SEMA3E: variants seen among roughly 807,000 people sequenced by gnomAD.
SEMA3E encodes the protein semaphorin 3E, also known as semaphorin-3E.
In SEMA3E, 49 loss-of-function variants were observed where a neutral mutation model predicts 93.6. The ratio of observed to expected loss-of-function variants is 0.52; its 90% confidence interval spans 0.42 to 0.66. SEMA3E has a LOEUF of 0.66. Among genes scored for constraint, SEMA3E ranks in the 30% least tolerant of loss-of-function variants. The pLI is 0.00. For synonymous variants in SEMA3E, 363 were observed against 330.7 expected (o/e 1.10, Z -1.06); for missense variants, 906 against 964.8 (o/e 0.94, Z 0.81).
intron 14 of SEMA3E, among the ~76,000 whole-genome samples, chr7:83,391,438 A>C (rs2115576425): frequency 6.6e-6 from 1 of 152,248 alleles, no homozygotes; most frequent in African/African-American, 2.4e-5. Context: ...AATAATTAAT[A>C]TTTTCAAATA....
chr7:83,498,125 T>A (rs923497091), intron 1 of SEMA3E, among the ~76,000 whole-genome samples: 4 of 152,156 alleles, frequency 2.6e-5, no homozygotes, highest in African/African-American at 9.7e-5. Context: ...CTTATTTGAT[T>A]GTAACAATAC....
intron 14 of SEMA3E, among the ~76,000 whole-genome samples, chr7:83,387,891 T>TA: frequency 6.8e-6 from 1 of 146,696 alleles, no homozygotes; most frequent in South Asian, 2.1e-4. Flanking sequence ...TATATATATA[T>TA]AACATTATAT....
chr7:83,610,368 T>C (rs765653041), intron 1 of SEMA3E, among the ~76,000 whole-genome samples: 2 of 152,090 alleles, frequency 1.3e-5, no homozygotes, highest in Non-Finnish European at 2.9e-5. Flanking sequence ...CTACTTAGAA[T>C]ACAGAGTATA....
chr7:83,598,394 C>T (rs1027263402), intron 1 of SEMA3E, among the ~76,000 whole-genome samples: 5 of 152,064 alleles, frequency 3.3e-5, no homozygotes, highest in Admixed American at 2.0e-4. Context: ...TTTATTCTGT[C>T]GGTCAATTTT....
chr7:83,622,972 C>A (rs554145706), intron 1 of SEMA3E, among the ~76,000 whole-genome samples: 1 of 151,854 alleles, frequency 6.6e-6, no homozygotes, highest in East Asian at 1.9e-4. Flanking sequence ...CGCACATGTA[C>A]CTTGGAACTT....
At chr7:83,428,610 ATATT>A (rs1788819157) in intron 4 of SEMA3E, among the ~76,000 whole-genome samples, 1 of 152,152 alleles carries the variant, frequency 6.6e-6, no homozygotes, top group Admixed American at 6.5e-5. Flanking sequence ...AGCAATAAAA[ATATT>A]TATTAAAGGA....
chr7:83,594,951 T>TG (rs1474420452), intron 1 of SEMA3E, among the ~76,000 whole-genome samples: 3 of 134,840 alleles, frequency 2.2e-5, no homozygotes, highest in Non-Finnish European at 4.8e-5. Flanking sequence ...AGAGAACTTC[T>TG]GGGAAAAAAA....
intron 2 of SEMA3E, among the ~76,000 whole-genome samples, chr7:83,473,466 C>T (rs901787064): frequency 6.6e-6 from 1 of 152,188 alleles, no homozygotes; most frequent in Non-Finnish European, 1.5e-5. Context: ...TATGCTCTGT[C>T]AGCCTGGAAA....
chr7:83,535,569 T>C (rs1231745034), intron 1 of SEMA3E, among the ~76,000 whole-genome samples: 1 of 152,146 alleles, frequency 6.6e-6, no homozygotes, highest in African/African-American at 2.4e-5. Context: ...TTAAAGAACC[T>C]ATCAATGACC....
Position 83,456,480 on chromosome 7 carries a change from C to A in SEMA3E, c.456+10002G>T, listed in dbSNP as rs578055474. ...CAAAATCAAAACCTCATCAACAACG[C>A]CTGTAGCAAAAAATAAATAATTTAA... On this transcript the variant is annotated intron_variant, in intron 4 of 16. Coordinates refer to ENST00000643230, the MANE Select transcript of SEMA3E (RefSeq NM_012431.3). Among the ~76,000 whole-genome samples the A allele has an allele frequency of 1.5e-4, 23 of 152,080 alleles. 1 individual carries two copies. In the East Asian group the frequency reaches 4.1e-3, roughly 27 times the overall value.
At chr7:83,601,383 T>A (rs1005172414) in intron 1 of SEMA3E, among the ~76,000 whole-genome samples, 1 of 151,592 alleles carries the variant, frequency 6.6e-6, no homozygotes, top group South Asian at 2.1e-4. Context: ...ACATTTTAAA[T>A]CACATTTTGC....
intron 1 of SEMA3E, among the ~76,000 whole-genome samples, chr7:83,565,004 T>C (rs540406380): frequency 6.6e-6 from 1 of 151,932 alleles, no homozygotes; most frequent in Non-Finnish European, 1.5e-5. Flanking sequence ...TAAAAAATGA[T>C]AAAGGGGATA....
At chr7:83,435,103 C>T (rs1308639086) in intron 4 of SEMA3E, among the ~76,000 whole-genome samples, 1 of 152,114 alleles carries the variant, frequency 6.6e-6, no homozygotes, top group Non-Finnish European at 1.5e-5. Context: ...CATATTGTGT[C>T]CATTTAACAA....
intron 4 of SEMA3E, chr7:83,424,760 C>T (rs953717944): frequency 6.4e-6 from 1 of 155,434 alleles, no homozygotes; most frequent in South Asian, 1.9e-4. Context: ...CCAATATAAT[C>T]ACATGGGTCT....
chr7:83,493,358 A>G (rs940593855), intron 1 of SEMA3E, among the ~76,000 whole-genome samples: 1 of 151,732 alleles, frequency 6.6e-6, no homozygotes, highest in Non-Finnish European at 1.5e-5. Flanking sequence ...AATGTCAGTG[A>G]AAAAAAATAT....
intron 4 of SEMA3E, among the ~76,000 whole-genome samples, chr7:83,444,108 C>G (rs1389693832): frequency 6.6e-6 from 1 of 152,072 alleles, no homozygotes; most frequent in Non-Finnish European, 1.5e-5. Context: ...GTAGCTTCAT[C>G]TGATAGAGGT....
chr7:83,464,314 T>C (rs1385777396), intron 4 of SEMA3E, among the ~76,000 whole-genome samples: 2 of 151,744 alleles, frequency 1.3e-5, no homozygotes, highest in African/African-American at 2.4e-5. Context: ...AGCTCCTGTA[T>C]AGACGCTCCT....
intron 1 of SEMA3E, among the ~76,000 whole-genome samples, chr7:83,607,289 T>A (rs1793144381): frequency 6.6e-6 from 1 of 152,236 alleles, no homozygotes; most frequent in African/African-American, 2.4e-5. Flanking sequence ...TCTTTTTGAA[T>A]ATATGAAAAT....
At position 83,483,961 on chromosome 7, in the gene SEMA3E, T is replaced by C. The variant is rs539124300; in HGVS notation, c.276+6153A>G. Among the ~76,000 whole-genome samples, 4 of 152,332 alleles carry C rather than the reference T, an allele frequency of 2.6e-5. No individual in the cohort carries two copies. The East Asian group carries it at 5.8e-4, about 22-fold the overall frequency. Reference sequence around the variant, plus strand: ...CCACTTCCAGGTCAACAGTGAATACTTGGACTCATACATCACATGGCTCTG... The same window carrying C: ...CCACTTCCAGGTCAACAGTGAATACCTGGACTCATACATCACATGGCTCTG... On this transcript the variant is annotated intron_variant, in intron 2 of 16. Transcript: ENST00000643230.
Sources: gnomAD v4.1 joint callset for allele counts (sites outside exome capture counted in the v4.1 genomes callset) on GRCh38, gnomAD v4.1.1 for gene constraint, MANE v1.5 for transcripts, NCBI Gene and HGNC (gene_info 2026-07-23, HGNC 2026-07-21) for gene names.